The following HPSE2 variants were observed in gnomAD, a reference collection of about 807,000 sequenced individuals.
The protein encoded by HPSE2 is inactive heparanase-2.
HPSE2 carries 38 observed loss-of-function variants against 60.5 expected under a neutral mutation model. The observed-to-expected ratio is 0.63, with a 90% CI of 0.48 to 0.82. The LOEUF is 0.82. Among genes scored for constraint, HPSE2 ranks in the 40% least tolerant of loss-of-function variants. The pLI, the probability that HPSE2 is intolerant of heterozygous loss-of-function variation, is 0.00. For synonymous variants in HPSE2, 295 were observed against 293.2 expected (o/e 1.01, Z -0.06); for missense variants, 713 against 740.4 (o/e 0.96, Z 0.43).
chr10:98,555,743 G>T (rs1943989271), intron 9 of HPSE2, among the ~76,000 whole-genome samples: 1 of 152,160 alleles, frequency 6.6e-6, no homozygotes. Flanking sequence ...GCAGATGATG[G>T]AATAAAGGCA....
chr10:99,294,922 C>A, the HPSE2 span, among the ~76,000 whole-genome samples: 4 of 151,704 alleles, frequency 2.6e-5, no homozygotes, highest in Non-Finnish European at 5.9e-5. Flanking sequence ...CGCCACTGCA[C>A]TCCAGCCTGG....
intron 4 of HPSE2, among the ~76,000 whole-genome samples, chr10:98,736,378 G>T (rs1180765087): frequency 6.6e-6 from 1 of 151,998 alleles, no homozygotes. Flanking sequence ...GCATGAAAAT[G>T]GACTTTATAC....
intron 3 of HPSE2, among the ~76,000 whole-genome samples, chr10:98,970,525 T>C (rs774806981): frequency 2.0e-5 from 3 of 152,160 alleles, no homozygotes; most frequent in Non-Finnish European, 4.4e-5. Flanking sequence ...AAAGGACAGG[T>C]AAGCTTAGAT....
chr10:99,312,662 T>C, the HPSE2 span, among the ~76,000 whole-genome samples: 1 of 152,358 alleles, frequency 6.6e-6, no homozygotes, highest in South Asian at 2.1e-4. Context: ...TTAATGTTGT[T>C]TTCACATGTG....
intron 3 of HPSE2, among the ~76,000 whole-genome samples, chr10:99,085,803 T>C (rs1466707557): frequency 2.0e-5 from 3 of 152,188 alleles, no homozygotes; most frequent in Non-Finnish European, 4.4e-5. Context: ...AGGTCAAAGG[T>C]TGGCCTCAAC....
At chr10:99,296,136 C>T in the HPSE2 span, among the ~76,000 whole-genome samples, 1 of 152,154 alleles carries the variant, frequency 6.6e-6, no homozygotes, top group Non-Finnish European at 1.5e-5. Context: ...GCTCATATAG[C>T]CTTCCAAAAG....
At chr10:98,938,294 C>T (rs1422381875) in intron 3 of HPSE2, among the ~76,000 whole-genome samples, 1 of 144,508 alleles carries the variant, frequency 6.9e-6, no homozygotes, top group African/African-American at 2.8e-5. Context: ...CTACTCCGAG[C>T]TACAGGAGGA....
chr10:98,460,796 A>C (rs1940255498), intron 11 of HPSE2, among the ~76,000 whole-genome samples: 1 of 152,216 alleles, frequency 6.6e-6, no homozygotes, highest in African/African-American at 2.4e-5. Flanking sequence ...AACTTAGAAA[A>C]GAGAAACAGC....
At chr10:99,056,345 T>C (rs937897285) in intron 3 of HPSE2, among the ~76,000 whole-genome samples, 1 of 152,126 alleles carries the variant, frequency 6.6e-6, no homozygotes, top group African/African-American at 2.4e-5. Context: ...TCAGGTGCAA[T>C]TGGGTTCACT....
chr10:98,537,636 G>A (rs952199475), intron 9 of HPSE2, among the ~76,000 whole-genome samples: 4 of 152,318 alleles, frequency 2.6e-5, no homozygotes, highest in East Asian at 1.9e-4. Context: ...TGTCACGCCC[G>A]CATAAGGGCC....
intron 6 of HPSE2, among the ~76,000 whole-genome samples, chr10:98,647,836 A>T (rs1157042835): frequency 6.6e-6 from 1 of 152,178 alleles, no homozygotes; most frequent in East Asian, 1.9e-4. Context: ...GCTTAGATGA[A>T]ATGAACACTG....
Position 98,667,038 on chromosome 10 carries a change from G to GA in HPSE2, c.1005-25099_1005-25098insT, listed in dbSNP as rs1251481869. Among the ~76,000 whole-genome samples the GA allele has an allele frequency of 8.1e-4, 46 of 56,458 alleles. 2 individuals carry two copies. The East Asian group carries it at 0.3, about 371-fold the overall frequency. The allele number at this position is 56,458 out of a possible 152,430, so 37.0% of individuals were successfully genotyped here. ...TTAAACATCTAGCTAGATTAACAAAGGAAAAAAAAAGATTCAAATAAGCAC... is the reference window on the plus strand; with the variant it reads ...TTAAACATCTAGCTAGATTAACAAAGAGAAAAAAAAAGATTCAAATAAGCAC... On this transcript the variant is annotated intron_variant, in intron 6 of 11. Coordinates refer to ENST00000370552, the MANE Select transcript of HPSE2 (RefSeq NM_021828.5).
chr10:99,274,680 C>G, the HPSE2 span, among the ~76,000 whole-genome samples: 3 of 152,126 alleles, frequency 2.0e-5, no homozygotes, highest in Non-Finnish European at 4.4e-5. Flanking sequence ...CCAGGAGCAG[C>G]TGGAAGCTTT....
chr10:98,757,311 G>A (rs1282683436), intron 3 of HPSE2, among the ~76,000 whole-genome samples: 1 of 152,120 alleles, frequency 6.6e-6, no homozygotes, highest in Non-Finnish European at 1.5e-5. Context: ...ATTCAACATA[G>A]TACTGGAAGT....
intron 3 of HPSE2, among the ~76,000 whole-genome samples, chr10:98,988,376 G>C (rs1290731160): frequency 2.0e-5 from 3 of 152,304 alleles, no homozygotes; most frequent in Non-Finnish European, 4.4e-5. Flanking sequence ...ACAAACCTGA[G>C]AAAAACAAGC....
At chr10:98,961,562 G>A (rs1421009079) in intron 3 of HPSE2, among the ~76,000 whole-genome samples, 1 of 57,744 alleles carries the variant, frequency 1.7e-5, no homozygotes, top group African/African-American at 8.5e-5. Flanking sequence ...GTCTGTTCAT[G>A]TCCTTCGCCC....
intron 3 of HPSE2, among the ~76,000 whole-genome samples, chr10:98,887,095 A>G (rs891339217): frequency 1.1e-4 from 16 of 152,154 alleles, no homozygotes; most frequent in African/African-American, 3.6e-4. Flanking sequence ...ATACCAAACA[A>G]TGAGTTTTCC....
chr10:98,501,706 C>T (rs985628443), intron 9 of HPSE2, among the ~76,000 whole-genome samples: 7 of 152,146 alleles, frequency 4.6e-5, no homozygotes, highest in Admixed American at 1.3e-4. Flanking sequence ...CCAGAGCAAT[C>T]AGACAAGAGA....
chr10:98,694,190 A>G (rs1163048641), intron 5 of HPSE2, among the ~76,000 whole-genome samples: 2 of 152,140 alleles, frequency 1.3e-5, no homozygotes, highest in African/African-American at 2.4e-5. Flanking sequence ...CAAAATCCCA[A>G]TAAGGCATTC....
Sources: gnomAD v4.1 joint callset for allele counts (sites outside exome capture counted in the v4.1 genomes callset) on GRCh38, gnomAD v4.1.1 for gene constraint, MANE v1.5 for transcripts, NCBI Gene and HGNC (gene_info 2026-07-23, HGNC 2026-07-21) for gene names.